The following ADAR variants were observed in gnomAD, a reference collection of about 807,000 sequenced individuals.
ADAR encodes adenosine deaminase RNA specific.
In ADAR, 41 loss-of-function variants were observed where a neutral mutation model predicts 113.2. The observed-to-expected ratio is 0.36, with a 90% CI of 0.28 to 0.47. ADAR has a LOEUF of 0.47. ADAR is among the 20% of genes least tolerant of loss of function. The probability of loss-of-function intolerance (pLI) is 1.00; values close to 1 mark genes in which losing one functional copy is unlikely to be tolerated. For synonymous variants in ADAR, 605 were observed against 572.6 expected (o/e 1.06, Z -0.81); for missense variants, 1,242 against 1,540.9 (o/e 0.81, Z 3.25).
intron 1 of ADAR, among the ~76,000 whole-genome samples, chr1:154,605,452 T>G (rs992976429): frequency 6.9e-6 from 1 of 144,066 alleles, no homozygotes; most frequent in African/African-American, 2.5e-5. Context: ...TTTTTTTTTA[T>G]GGCACACACA....
At position 154,601,988 on chromosome 1, in the gene ADAR, T is replaced by C. The variant is rs764173525; in HGVS notation, c.654A>G (p.Gln218=). ...SGVVRPDGHS[Q]GAPNSDPSLE... ...AACTCGGGTCTGAGTTTGGGGCTCCTTGGCTATGACCGTCTGGTCTTACCA... is the reference window on the plus strand; with the variant it reads ...AACTCGGGTCTGAGTTTGGGGCTCCCTGGCTATGACCGTCTGGTCTTACCA... The change falls in exon 2 of 15, where the codon CAA becomes CAG. Residue 218 remains glutamine, a synonymous_variant. Coordinates refer to ENST00000368474, the MANE Select transcript of ADAR (RefSeq NM_001111.5). This position sits in a 1 kb window ranked among gnomAD's most constrained non-coding sequence, Gnocchi z 4.7. 2 of 1,614,198 alleles carry C rather than the reference T, an allele frequency of 1.2e-6. No individual in the cohort carries two copies. Among genetic ancestry groups the C allele is most frequent in the African/African-American group, 1.3e-5 (1 of 75,060 alleles).
At chr1:154,603,475 T>A (rs1698010861) in intron 1 of ADAR, among the ~76,000 whole-genome samples, 1 of 152,174 alleles carries the variant, frequency 6.6e-6, no homozygotes, top group Non-Finnish European at 1.5e-5. Flanking sequence ...TGGCAGCATC[T>A]GCTCCTCACC....
rs1305538708 is a variant in ADAR, at chr1:154,597,006, A to C, written c.2080-11T>G. The C allele has an allele frequency of 2.5e-6, 4 of 1,614,064 alleles. No homozygotes were observed. The highest frequency in any genetic ancestry group is 2.2e-5 in the South Asian group (2 of 91,088). On this transcript the variant is annotated splice_polypyrimidine_tract_variant and intron_variant, in intron 5 of 14. Coordinates refer to ENST00000368474, the MANE Select transcript of ADAR (RefSeq NM_001111.5). Reference sequence around the variant, plus strand: ...GATCATACCTTCAGGCTAAAGGAGAATCCATCAAACAGAGGAGCCATAAAC... The same window carrying C: ...GATCATACCTTCAGGCTAAAGGAGACTCCATCAAACAGAGGAGCCATAAAC...
chr1:154,607,994 G>C lies in ADAR; in HGVS notation c.13C>G (p.Gln5Glu). The C allele has an allele frequency of 6.2e-7, 1 of 1,608,102 alleles. No individual in the cohort carries two copies. The highest frequency in any genetic ancestry group is 8.5e-7 in the Non-Finnish European group (1 of 1,177,710). MNPR[Q>E]GYSLSGYYTH... The stretch of plus-strand genomic sequence containing the variant: ...GGTCCAAGGCCGGCCCGGCTTACCT[G>C]CCGCGGATTCATTGCGCCCGCGAGG... The change falls in exon 1 of 15, where the codon CAG (glutamine) becomes GAG (glutamate). Residue 5 changes from glutamine (Q) to glutamate (E), a missense_variant and splice_region_variant. By Grantham distance (29) the Gln-to-Glu change is conservative. This residue lies in a region of ADAR where 462 missense variants were observed against 483.1 expected (regional missense o/e 0.96). Coordinates refer to ENST00000368474, the MANE Select transcript of ADAR (RefSeq NM_001111.5).
exon 1 of ADAR, chr1:154,627,918 T>TCCCCCCCCCCCCCCCCCCC: frequency 1.0e-5 from 4 of 399,604 alleles, no homozygotes; most frequent in South Asian, 5.0e-5. Flanking sequence ...GCCGCGACCC[T>TCCCCCCCCCCCCCCCCCCC]CCCCCCACCC....
intron 1 of ADAR, among the ~76,000 whole-genome samples, chr1:154,617,455 C>T (rs59618219): frequency 0.21 from 31,468 of 152,090 alleles, 3,382 homozygotes; most frequent in South Asian, 0.33. Context: ...GATCACCTTT[C>T]CCTCCTAAGC....
At position 154,585,466 on chromosome 1, in the gene ADAR, G is replaced by C. The variant is rs960537834; in HGVS notation, c.3316-122C>G. On this transcript the variant is annotated intron_variant, in intron 13 of 14. Coordinates refer to ENST00000368474, the MANE Select transcript of ADAR (RefSeq NM_001111.5). ...GGTCATGATCTTTCCCCTGTATTTA[G>C]GGTTCTGTTTGGCTAAGACTGAGCA... is the stretch of plus-strand genomic sequence containing the variant. 19 of 1,475,038 alleles carry C rather than the reference G, an allele frequency of 1.3e-5. No individual in the cohort carries two copies. In the Admixed American group the frequency reaches 2.4e-4, roughly 19 times the overall value. 91.4% of individuals were successfully genotyped at this position (1,475,038 alleles called of 1,614,324 possible).
At chr1:154,607,940 G>A in intron 1 of ADAR, 52 bp downstream of exon 1, 2 of 1,610,210 alleles carry the variant, frequency 1.2e-6, no homozygotes, top group Non-Finnish European at 1.7e-6. Context: ...AAGCCTGTGA[G>A]GTTGTAAACG....
intron 4 of ADAR, 45 bp from the exon 5 acceptor site, chr1:154,597,312 T>C (rs1223571219): frequency 1.9e-6 from 3 of 1,611,202 alleles, no homozygotes; most frequent in East Asian, 2.2e-5. Context: ...TGGTTTTGAC[T>C]GAGGAGCCTG....
At chr1:154,627,914 A>AGCCCCCCCCCCCCCCCCCC in exon 1 of ADAR, 1 of 463,322 alleles carries the variant, frequency 2.2e-6, no homozygotes, top group South Asian at 1.5e-5. Context: ...TGCGGCCGCG[A>AGCCCCCCCCCCCCCCCCCC]CCCTCCCCCC....
At chr1:154,597,713 A>G in intron 4 of ADAR, 115 bp downstream of exon 4, 1 of 1,421,222 alleles carries the variant, frequency 7.0e-7, no homozygotes, top group South Asian at 1.2e-5. Context: ...TCCTTTCCCC[A>G]TTTTGAAACA....
intron 6 of ADAR, among the ~76,000 whole-genome samples, chr1:154,594,163 TA>T (rs1697343857): frequency 6.6e-6 from 1 of 152,224 alleles, no homozygotes; most frequent in Non-Finnish European, 1.5e-5. Context: ...ATTATAGGCG[TA>T]AGCCACTGCG....
upstream of ADAR, chr1:154,608,285 GT>G: frequency 6.1e-6 from 3 of 487,822 alleles, no homozygotes; most frequent in South Asian, 5.9e-5. Flanking sequence ...TTTCAGGCCG[GT>G]TACAAGTCGA....
At chr1:154,627,032 C>T (rs1698958815) in intron 1 of ADAR, among the ~76,000 whole-genome samples, 1 of 152,184 alleles carries the variant, frequency 6.6e-6, no homozygotes, top group Admixed American at 6.5e-5. Context: ...CTGTGTAGGC[C>T]TCTGTTTGCA....
chr1:154,597,816 C>T lies in ADAR; in HGVS notation c.1934+12G>A, dbSNP rs776357782. On this transcript the variant is annotated intron_variant, in intron 4 of 14. Transcript: ENST00000368474. ...GAAAACCTCAGCTGGACAGAGGACA[C>T]GTAGGACATACTTGGGTTCATGGGC... The T allele has an allele frequency of 1.3e-5, 21 of 1,613,948 alleles. No homozygotes were observed. The highest frequency in any genetic ancestry group is 1.1e-4 in the African/African-American group (8 of 74,892).
chr1:154,594,009 A>G (rs535309288), intron 6 of ADAR, among the ~76,000 whole-genome samples: 1 of 152,054 alleles, frequency 6.6e-6, no homozygotes, highest in East Asian at 1.9e-4. Context: ...CAGCCTCCGG[A>G]GTAGCTGGCA....
chr1:154,595,135 G>A (rs1299449996), intron 6 of ADAR, among the ~76,000 whole-genome samples: 3 of 152,214 alleles, frequency 2.0e-5, no homozygotes, highest in Admixed American at 2.0e-4. Flanking sequence ...TCCGAGCTCC[G>A]CCTCCTGTGG....
rs71586026 is a variant in ADAR at position 154,607,872 on chromosome 1, GACACAC to G, written c.15+114_15+119del. On this transcript the variant is annotated intron_variant, in intron 1 of 14. Coordinates refer to ENST00000368474, the MANE Select transcript of ADAR (RefSeq NM_001111.5). ...AACCAGCAATGCTGCTTGGCAAGACGACACACACACACACACTCTAACACTCACAAG... is the reference window on the plus strand; with the variant it reads ...AACCAGCAATGCTGCTTGGCAAGACGACACACACACTCTAACACTCACAAG... 450 of 1,245,996 alleles carry G rather than the reference GACACAC, an allele frequency of 3.6e-4. 7 individuals carry two copies. The South Asian group carries it at 5.6e-3, about 16-fold the overall frequency. The allele number at this position is 1,245,996 out of a possible 1,614,324, so 77.2% of individuals were successfully genotyped here.
intron 1 of ADAR, among the ~76,000 whole-genome samples, chr1:154,604,694 A>T (rs1281024691): frequency 6.6e-6 from 1 of 152,088 alleles, no homozygotes; most frequent in Non-Finnish European, 1.5e-5. Flanking sequence ...CCCACCCCTT[A>T]TAATTTTTTA....
Sources: allele counts gnomAD v4.1 joint callset (sites outside exome capture counted in the v4.1 genomes callset), GRCh38; gene constraint gnomAD v4.1.1; regional missense constraint gnomAD v4.1.1; non-coding constraint Gnocchi (gnomAD v3.1); transcripts MANE v1.5; gene names NCBI Gene and HGNC (gene_info 2026-07-23, HGNC 2026-07-21).